Variants in PLEK observed in about 807,000 individuals in gnomAD.
PLEK encodes the protein platelet 47 kDa protein.
Under a neutral mutation model 43.9 loss-of-function variants are expected in PLEK, and 25 were observed. That is an observed-to-expected ratio of 0.57 (90% CI 0.41 to 0.79). The LOEUF (loss-of-function observed/expected upper bound fraction) is 0.79, where lower values mean the gene tolerates loss of function less well. PLEK is among the 30% of genes least tolerant of loss of function. The probability of loss-of-function intolerance (pLI) is 0.00; values close to 1 mark genes in which losing one functional copy is unlikely to be tolerated. For missense variants in PLEK, 396 were observed against 413.3 expected (o/e 0.96, Z 0.36); for synonymous variants, 152 against 144.4 (o/e 1.05, Z -0.38).
rs962195899 is a variant in PLEK, at chr2:68,386,447, AG to A, written c.473-51del. ...TGGAGTCAGTTCAGGGGTGATTGTC[AG>A]GGGCTTGTTCTTCGGTAAGGAGAGT... is the stretch of plus-strand genomic sequence containing the variant. On this transcript the variant is annotated intron_variant, in intron 4 of 8. Coordinates refer to ENST00000234313, the MANE Select transcript of PLEK (RefSeq NM_002664.3). The A allele has an allele frequency of 2.2e-5, 31 of 1,418,248 alleles. No homozygotes were observed. In the African/African-American group the frequency reaches 3.1e-4, roughly 14 times the overall value. 87.9% of individuals were successfully genotyped at this position (1,418,248 alleles called of 1,614,324 possible).
intron 4 of PLEK, among the ~76,000 whole-genome samples, chr2:68,383,388 A>T (rs1673669123): frequency 6.6e-6 from 1 of 152,192 alleles, no homozygotes; most frequent in African/African-American, 2.4e-5. Flanking sequence ...GATGGGATGA[A>T]TAGGAGGTGG....
intron 8 of PLEK, 95 bp from the exon 9 acceptor site, chr2:68,395,585 G>A (rs138469245): frequency 8.9e-6 from 12 of 1,349,146 alleles, no homozygotes; most frequent in African/African-American, 2.9e-5. Context: ...CTTAGAACAC[G>A]AAGAAAACAG....
intron 1 of PLEK, among the ~76,000 whole-genome samples, chr2:68,366,587 G>T (rs1397525023): frequency 6.6e-6 from 1 of 152,220 alleles, no homozygotes; most frequent in Non-Finnish European, 1.5e-5. Context: ...TTCCAAGTTA[G>T]GATTTGTAGT....
At chr2:68,376,097 T>C (rs879921025) in intron 1 of PLEK, among the ~76,000 whole-genome samples, 1 of 152,208 alleles carries the variant, frequency 6.6e-6, no homozygotes, top group Non-Finnish European at 1.5e-5. Flanking sequence ...TGGAAGCAAC[T>C]GCAGGGTGCA....
chr2:68,380,245 A>G, intron 1 of PLEK, 83 bp from the exon 2 acceptor site: 1 of 1,139,588 alleles, frequency 8.8e-7, no homozygotes, highest in Non-Finnish European at 1.2e-6. Flanking sequence ...AACTGTAAGT[A>G]AATATAGAAT....
intron 1 of PLEK, among the ~76,000 whole-genome samples, chr2:68,369,533 GA>G (rs1296083411): frequency 1.3e-5 from 2 of 150,782 alleles, no homozygotes; most frequent in Non-Finnish European, 3.0e-5. Flanking sequence ...GCCCAGGCTG[GA>G]GTGCAATGGT....
chr2:68,393,592 C>T (rs1673902224), intron 7 of PLEK, among the ~76,000 whole-genome samples: 1 of 152,166 alleles, frequency 6.6e-6, no homozygotes, highest in African/African-American at 2.4e-5. Context: ...TCCAGGTCAA[C>T]TTGGATGAGG....
At chr2:68,378,569 A>T (rs1248159064) in intron 1 of PLEK, among the ~76,000 whole-genome samples, 1 of 152,206 alleles carries the variant, frequency 6.6e-6, no homozygotes, top group African/African-American at 2.4e-5. Flanking sequence ...CATTGGGATG[A>T]TACTGATACC....
chr2:68,369,075 G>A (rs933289464), intron 1 of PLEK, among the ~76,000 whole-genome samples: 1 of 152,176 alleles, frequency 6.6e-6, no homozygotes, highest in Non-Finnish European at 1.5e-5. Context: ...AATCTGAAGC[G>A]ATTTGTGCCT....
At chr2:68,373,264 G>A (rs1315836580) in intron 1 of PLEK, among the ~76,000 whole-genome samples, 1 of 152,078 alleles carries the variant, frequency 6.6e-6, no homozygotes, top group East Asian at 1.9e-4. Flanking sequence ...GGCCTGGAAG[G>A]ATGTTTAAGC....
chr2:68,380,913 C>A lies in PLEK; in HGVS notation c.380+9C>A. ...GAAACCATTGACTTAGGGTGATTTTCTGTGTTTACTTCTCTTTACCCATTC... is the reference window on the plus strand; with the variant it reads ...GAAACCATTGACTTAGGGTGATTTTATGTGTTTACTTCTCTTTACCCATTC... On this transcript the variant is annotated intron_variant, in intron 3 of 8. Coordinates refer to ENST00000234313, the MANE Select transcript of PLEK (RefSeq NM_002664.3). The A allele has an allele frequency of 1.2e-6, 2 of 1,608,830 alleles. No homozygotes were observed. The highest frequency in any genetic ancestry group is 2.2e-5 in the South Asian group (2 of 90,720).
At chr2:68,394,312 C>G (rs1418329295) in intron 8 of PLEK, 136 bp downstream of exon 8, 1 of 679,568 alleles carries the variant, frequency 1.5e-6, no homozygotes, top group Admixed American at 2.0e-5. Context: ...TGGCTCCCAC[C>G]TGTAATCCCG....
At chr2:68,366,355 T>A (rs1290689996) in intron 1 of PLEK, among the ~76,000 whole-genome samples, 1 of 152,262 alleles carries the variant, frequency 6.6e-6, no homozygotes, top group Non-Finnish European at 1.5e-5. Flanking sequence ...TAGCACACAT[T>A]GCTGCCTGCT....
At chr2:68,369,862 C>T (rs1303344823) in intron 1 of PLEK, among the ~76,000 whole-genome samples, 1 of 152,212 alleles carries the variant, frequency 6.6e-6, no homozygotes, top group Non-Finnish European at 1.5e-5. Flanking sequence ...TTCTGTATTA[C>T]TTATTTAATA....
rs7578296 is a variant in PLEK at position 68,380,581 on chromosome 2, C to A, written c.198+98C>A. Reference sequence around the variant, plus strand: ...TGTGGGTGGTGCTCCTTGGGCTGGTCCCTCTCACCACCACCCACACCCCAC... The same window carrying A: ...TGTGGGTGGTGCTCCTTGGGCTGGTACCTCTCACCACCACCCACACCCCAC... On this transcript the variant is annotated intron_variant, in intron 2 of 8. Coordinates refer to ENST00000234313, the MANE Select transcript of PLEK (RefSeq NM_002664.3). 2.1e-6 allele frequency: 3 copies of A among 1,420,284 alleles called. No homozygotes were observed. The African/African-American group carries it at 4.3e-5, about 20-fold the overall frequency. The allele number at this position is 1,420,284 out of a possible 1,614,324, so 88.0% of individuals were successfully genotyped here. A position where few individuals can be genotyped will look rare whatever the true frequency, so the allele number is the denominator to read the frequency against.
rs1409768400 is a variant in PLEK at position 68,381,464 on chromosome 2, G to A, written c.380+560G>A. On this transcript the variant is annotated intron_variant, in intron 3 of 8. Coordinates refer to ENST00000234313, the MANE Select transcript of PLEK (RefSeq NM_002664.3). ...ACAGGAAGATCTAGCTCCTGACAGA[G>A]GTTGGGAATGGGATTTCTTCCTTCC... Among the ~76,000 whole-genome samples, 3 of 152,292 alleles carry A rather than the reference G, an allele frequency of 2.0e-5. No homozygotes were observed. In the East Asian group the frequency reaches 5.8e-4, roughly 29 times the overall value.
rs1673936168 is a variant in PLEK, at chr2:68,394,933, C to A, written c.917-747C>A. On this transcript the variant is annotated intron_variant, in intron 8 of 8. Transcript: ENST00000234313. ...CAGGAAAACATCATAACTGCAAATG[C>A]CTAGAGTTTTACTGTGCCTGAATTT... Among the ~76,000 whole-genome samples, 3 of 152,104 alleles carry A rather than the reference C, an allele frequency of 2.0e-5. No homozygotes were observed. The South Asian group carries it at 6.2e-4, about 32-fold the overall frequency.
At position 68,386,524 on chromosome 2, in the gene PLEK, G is replaced by T. The variant is rs747754717; in HGVS notation, c.495G>T (p.Leu165=). ...CFTGNCVIDW[L]VSNQSVRNRQ... is the part of the protein sequence containing the mutation. ...TAGGTAACTGCGTCATTGATTGGCTGGTATCCAACCAGTCTGTTAGGAATC... is the reference window on the plus strand; with the variant it reads ...TAGGTAACTGCGTCATTGATTGGCTTGTATCCAACCAGTCTGTTAGGAATC... The change falls in exon 5 of 9, where the codon CTG becomes CTT. Residue 165 remains leucine (L), a synonymous_variant. Transcript: ENST00000234313. 2 of 1,613,582 alleles carry T rather than the reference G, an allele frequency of 1.2e-6. No individual in the cohort carries two copies. The highest frequency in any genetic ancestry group is 8.5e-7 in the Non-Finnish European group (1 of 1,179,664).
intron 6 of PLEK, among the ~76,000 whole-genome samples, chr2:68,389,784 G>C (rs1257079302): frequency 6.6e-6 from 1 of 152,028 alleles, no homozygotes. Flanking sequence ...TGCCGGGAAG[G>C]CTCGGGCAGT....
Sources: allele counts gnomAD v4.1 joint callset (sites outside exome capture counted in the v4.1 genomes callset), GRCh38; gene constraint gnomAD v4.1.1; transcripts MANE v1.5; gene names NCBI Gene and HGNC (gene_info 2026-07-23, HGNC 2026-07-21).